PDGFC: variants seen among roughly 807,000 people sequenced by gnomAD.
PDGFC encodes the protein platelet-derived growth factor C.
PDGFC carries 12 observed loss-of-function variants against 35.5 expected under a neutral mutation model. The ratio of observed to expected loss-of-function variants is 0.34; its 90% CI spans 0.22 to 0.55. The LOEUF (loss-of-function observed/expected upper bound fraction) is 0.55. Ranked by LOEUF, PDGFC falls within the 20% of genes least tolerant of loss-of-function variation. The probability of loss-of-function intolerance (pLI) is 0.91; values close to 1 mark genes in which losing one functional copy is unlikely to be tolerated. For missense variants in PDGFC, 322 were observed against 412.4 expected (o/e 0.78, Z 1.90); for synonymous variants, 159 against 148.8 (o/e 1.07, Z -0.50).
chr4:156,870,289 T>C (rs73856770), intron 1 of PDGFC, among the ~76,000 whole-genome samples: 2,441 of 152,246 alleles, frequency 0.016, 52 homozygotes, highest in African/African-American at 0.054. Context: ...GGATTTTTTT[T>C]CCTCTCCTTC....
chr4:156,919,714 T>G (rs1363571986), intron 1 of PDGFC, among the ~76,000 whole-genome samples: 1 of 152,144 alleles, frequency 6.6e-6, no homozygotes, highest in African/African-American at 2.4e-5. Flanking sequence ...CTGTAGTCAT[T>G]TGGATAGTGA....
chr4:156,921,049 A>G (rs1731265871), intron 1 of PDGFC, among the ~76,000 whole-genome samples: 1 of 152,190 alleles, frequency 6.6e-6, no homozygotes. Context: ...GACCAAAAGA[A>G]TAAGACAACC....
chr4:156,885,963 C>A (rs342313), intron 1 of PDGFC, among the ~76,000 whole-genome samples: 33,871 of 152,020 alleles, frequency 0.22, 4,477 homozygotes, highest in South Asian at 0.54. Flanking sequence ...ATAATTTTGG[C>A]ACTTCTTAGG....
At chr4:156,839,050 G>A (rs777428688) in intron 2 of PDGFC, among the ~76,000 whole-genome samples, 4 of 152,270 alleles carry the variant, frequency 2.6e-5, no homozygotes, top group East Asian at 3.9e-4. Context: ...GAAAGGAAGC[G>A]GTGTATTAAG....
At chr4:156,928,864 G>A (rs1029660004) in intron 1 of PDGFC, among the ~76,000 whole-genome samples, 2 of 152,182 alleles carry the variant, frequency 1.3e-5, no homozygotes, top group African/African-American at 4.8e-5. Context: ...TATAGTTACT[G>A]AAGGACTGTT....
chr4:156,912,122 G>A (rs376904126), intron 1 of PDGFC, among the ~76,000 whole-genome samples: 1 of 151,926 alleles, frequency 6.6e-6, no homozygotes, highest in Non-Finnish European at 1.5e-5. Flanking sequence ...TTTTTCTGGA[G>A]GTCAGGAAAA....
chr4:156,932,702 C>T (rs111307047), intron 1 of PDGFC, among the ~76,000 whole-genome samples: 3,008 of 134,480 alleles, frequency 0.022, 37 homozygotes, highest in African/African-American at 0.037. Flanking sequence ...ACAATGAGAA[C>T]ACACGGACAC....
chr4:156,901,698 C>T (rs1579088045), intron 1 of PDGFC, among the ~76,000 whole-genome samples: 2 of 152,238 alleles, frequency 1.3e-5, no homozygotes, highest in South Asian at 4.1e-4. Context: ...TCTCAGCTCA[C>T]TGCAACCTCC....
intron 1 of PDGFC, among the ~76,000 whole-genome samples, chr4:156,874,992 A>G (rs1455737830): frequency 2.6e-5 from 4 of 152,176 alleles, no homozygotes; most frequent in African/African-American, 7.2e-5. Flanking sequence ...TGCTGGGATT[A>G]CAAGCACAAG....
At chr4:156,945,383 ATAT>A (rs1731921904) in intron 1 of PDGFC, among the ~76,000 whole-genome samples, 1 of 126,696 alleles carries the variant, frequency 7.9e-6, no homozygotes, top group African/African-American at 3.0e-5. Context: ...ATATATATAT[ATAT>A]ATATAATCAG....
At chr4:156,916,219 A>T (rs1354719099) in intron 1 of PDGFC, among the ~76,000 whole-genome samples, 1 of 152,198 alleles carries the variant, frequency 6.6e-6, no homozygotes, top group Non-Finnish European at 1.5e-5. Flanking sequence ...TACGATATTT[A>T]CAGTCTAACA....
Position 156,768,139 on chromosome 4 carries a change from G to A in PDGFC, c.704-149C>T, listed in dbSNP as rs1022059233. On this transcript the variant is annotated intron_variant, in intron 4 of 5. Transcript: ENST00000502773. The stretch of plus-strand genomic sequence containing the variant: ...CCGCTCTTATTGTAAGTAGATTTTA[G>A]AGATATACAACTACAAATTGGACCT... 2.6e-5 allele frequency: 16 copies of A among 625,072 alleles called. No homozygotes were observed. The African/African-American group carries it at 2.8e-4, about 11-fold the overall frequency. 38.7% of individuals were successfully genotyped at this position (625,072 alleles called of 1,614,324 possible).
intron 1 of PDGFC, among the ~76,000 whole-genome samples, chr4:156,881,734 G>A (rs920927488): frequency 6.6e-6 from 1 of 150,656 alleles, no homozygotes; most frequent in Non-Finnish European, 1.5e-5. Flanking sequence ...GGAGGCTGAG[G>A]AAGGAGAATC....
At chr4:156,969,221 G>C (rs533275554) in intron 1 of PDGFC, among the ~76,000 whole-genome samples, 3 of 152,216 alleles carry the variant, frequency 2.0e-5, no homozygotes, top group Admixed American at 1.3e-4. Flanking sequence ...TTTTGAACTG[G>C]ACATTTATTT....
At chr4:156,797,741 C>G (rs939686322) in intron 3 of PDGFC, among the ~76,000 whole-genome samples, 1 of 152,172 alleles carries the variant, frequency 6.6e-6, no homozygotes, top group African/African-American at 2.4e-5. Context: ...ATGGGTTGGA[C>G]AAGCTTGGAG....
chr4:156,924,248 C>G (rs576863245), intron 1 of PDGFC, among the ~76,000 whole-genome samples: 1 of 152,270 alleles, frequency 6.6e-6, no homozygotes, highest in East Asian at 1.9e-4. Context: ...TTTCAACCTA[C>G]AATTTGTATT....
intron 2 of PDGFC, among the ~76,000 whole-genome samples, chr4:156,826,609 T>A (rs1051744116): frequency 4.6e-5 from 7 of 152,184 alleles, no homozygotes; most frequent in Non-Finnish European, 8.8e-5. Flanking sequence ...TTACTATAGG[T>A]TAGATTCTTT....
intron 1 of PDGFC, among the ~76,000 whole-genome samples, chr4:156,912,723 G>C (rs1458690707): frequency 6.6e-6 from 1 of 151,658 alleles, no homozygotes; most frequent in Non-Finnish European, 1.5e-5. Flanking sequence ...GGGAACACAA[G>C]AAATATGTAA....
At chr4:156,773,678 A>C (rs1458281849) in intron 3 of PDGFC, 1 of 152,236 alleles carries the variant, frequency 6.6e-6, no homozygotes, top group African/African-American at 2.4e-5. Flanking sequence ...TTCACATACG[A>C]AAAAAGGATA....
Sources: gnomAD v4.1 joint callset for allele counts (sites outside exome capture counted in the v4.1 genomes callset) on GRCh38, gnomAD v4.1.1 for gene constraint, MANE v1.5 for transcripts, NCBI Gene and HGNC (gene_info 2026-07-23, HGNC 2026-07-21) for gene names.